Variants in USP25 observed in about 807,000 individuals in gnomAD.
The protein encoded by USP25 is ubiquitin specific peptidase 25, also known as ubiquitin carboxyl-terminal hydrolase 25.
In USP25, 85 loss-of-function variants were observed where a neutral mutation model predicts 158.5. The observed-to-expected ratio is 0.54, with a 90% CI of 0.45 to 0.64. The LOEUF (loss-of-function observed/expected upper bound fraction) is 0.64. USP25 is among the 30% of genes least tolerant of loss of function. The pLI, the probability that USP25 is intolerant of heterozygous loss-of-function variation, is 0.00. For synonymous variants in USP25, 464 were observed against 460.4 expected (o/e 1.01, Z -0.10); for missense variants, 1,242 against 1,327.3 (o/e 0.94, Z 1.00).
intron 3 of USP25, among the ~76,000 whole-genome samples, chr21:15,777,292 AG>A (rs1277078563): frequency 6.6e-6 from 1 of 152,220 alleles, no homozygotes; most frequent in African/African-American, 2.4e-5. Flanking sequence ...CAGATTGTAT[AG>A]AAGTATTTAA....
chr21:15,797,999 G>A (rs2035945514), intron 5 of USP25, among the ~76,000 whole-genome samples: 1 of 151,154 alleles, frequency 6.6e-6, no homozygotes, highest in Non-Finnish European at 1.5e-5. Context: ...TAATATATAT[G>A]GAGTTCAGTA....
intron 20 of USP25, among the ~76,000 whole-genome samples, chr21:15,858,102 T>A (rs187494497): frequency 6.6e-6 from 1 of 152,220 alleles, no homozygotes; most frequent in East Asian, 1.9e-4. Context: ...TGTAGATCGT[T>A]TGTAATACAC....
At chr21:15,751,421 C>A (rs1368282901) in intron 1 of USP25, among the ~76,000 whole-genome samples, 1 of 152,148 alleles carries the variant, frequency 6.6e-6, no homozygotes, top group Non-Finnish European at 1.5e-5. Flanking sequence ...ATTCCAGTTT[C>A]AGAGTTCTAC....
chr21:15,834,701 G>A (rs1185838017), intron 17 of USP25, among the ~76,000 whole-genome samples: 4 of 152,134 alleles, frequency 2.6e-5, no homozygotes, highest in South Asian at 2.1e-4. Flanking sequence ...AATAATTGTC[G>A]TTGATTTTGA....
At chr21:15,867,174 C>G (rs746853562) in intron 22 of USP25, among the ~76,000 whole-genome samples, 16 of 151,824 alleles carry the variant, frequency 1.1e-4, no homozygotes, top group Admixed American at 2.6e-4. Flanking sequence ...AATTCATACA[C>G]CTAGTATTTC....
intron 5 of USP25, among the ~76,000 whole-genome samples, chr21:15,792,012 C>T (rs982542506): frequency 2.6e-5 from 4 of 151,672 alleles, no homozygotes; most frequent in African/African-American, 9.7e-5. Context: ...CTAGAACTGG[C>T]TTTCTGTGGG....
chr21:15,775,862 T>C (rs1555831597), intron 3 of USP25, among the ~76,000 whole-genome samples: 1 of 151,224 alleles, frequency 6.6e-6, no homozygotes, highest in Non-Finnish European at 1.5e-5. Context: ...AGATAGTTTT[T>C]CTGTTTTTTT....
intron 14 of USP25, among the ~76,000 whole-genome samples, chr21:15,829,064 C>T (rs976351569): frequency 6.6e-6 from 1 of 152,108 alleles, no homozygotes; most frequent in Middle Eastern, 3.4e-3. Context: ...TGTAATATTC[C>T]AACACACGGG....
intron 9 of USP25, 63 bp downstream of exon 9, chr21:15,811,273 C>T (rs892922339): frequency 2.7e-5 from 38 of 1,413,924 alleles, no homozygotes; most frequent in African/African-American, 1.3e-4. Flanking sequence ...TCATTCGTCT[C>T]GATAGTTACT....
intron 1 of USP25, among the ~76,000 whole-genome samples, chr21:15,747,381 A>G (rs1361580493): frequency 6.6e-6 from 1 of 151,822 alleles, no homozygotes; most frequent in African/African-American, 2.4e-5. Flanking sequence ...AGTATGGTTC[A>G]GTACTATATA....
chr21:15,831,304 A>C, intron 15 of USP25, 97 bp from the exon 16 acceptor site: 2 of 1,148,794 alleles, frequency 1.7e-6, no homozygotes, highest in Non-Finnish European at 2.5e-6. Flanking sequence ...AAATGCTCTT[A>C]TGGTTTTCTC....
chr21:15,826,230 A>C lies in USP25; in HGVS notation c.1331A>C (p.Lys444Thr). 1 of 1,614,010 alleles carries C rather than the reference A, an allele frequency of 6.2e-7. No individual in the cohort carries two copies. The highest frequency in any genetic ancestry group is 8.5e-7 in the Non-Finnish European group (1 of 1,179,918). ...ERYLSYGSGP[K>T]RFPLVDVLQY... ...TATTTAAGCTATGGTTCCGGTCCCA[A>C]ACGATTCCCCTTGGTAGATGTTCTT... is the stretch of plus-strand genomic sequence containing the variant. The change falls in exon 13 of 26, where the codon AAA becomes ACA. Residue 444 changes from lysine (K) to threonine (T), a missense_variant. By Grantham distance (78) the Lys-to-Thr change is moderately conservative (BLOSUM62 -1). This residue lies in a region of USP25 where 627 missense variants were observed against 701.4 expected (regional missense o/e 0.89). Transcript: ENST00000400183. This position sits in a 1 kb window ranked among gnomAD's most constrained non-coding sequence, Gnocchi z 4.8.
At position 15,826,194 on chromosome 21, in the gene USP25, T is replaced by C. The variant is rs1402027756; in HGVS notation, c.1305-10T>C. ...GAAATAAAAGCATTTGTACATTTTA[T>C]GATTAACAGATATTTAAGCTATGGT... On this transcript the variant is annotated splice_polypyrimidine_tract_variant and intron_variant, in intron 12 of 25. Coordinates refer to ENST00000400183, the MANE Select transcript of USP25 (RefSeq NM_001283041.3). The surrounding 1 kb of genome is among the most constrained non-coding windows in gnomAD (Gnocchi z 4.8). 2 of 1,613,254 alleles carry C rather than the reference T, an allele frequency of 1.2e-6. No individual in the cohort carries two copies. The highest frequency in any genetic ancestry group is 2.7e-5 in the African/African-American group (2 of 74,910).
intron 1 of USP25, among the ~76,000 whole-genome samples, chr21:15,741,255 TCA>T (rs2032027573): frequency 6.6e-6 from 1 of 151,924 alleles, no homozygotes; most frequent in Non-Finnish European, 1.5e-5. Context: ...ATAAATATTC[TCA>T]CATCTGTGTA....
chr21:15,858,547 ACT>A (rs1000139754), intron 20 of USP25, among the ~76,000 whole-genome samples: 70 of 148,138 alleles, frequency 4.7e-4, no homozygotes, highest in African/African-American at 1.7e-3. Context: ...ACTTTATTGA[ACT>A]CTTTGTTTTC....
At chr21:15,827,806 C>G (rs879259272) in intron 14 of USP25, among the ~76,000 whole-genome samples, 7 of 130,128 alleles carry the variant, frequency 5.4e-5, no homozygotes, top group East Asian at 2.2e-4. Flanking sequence ...GTGTGTGTGT[C>G]AAGTTGCCAT....
chr21:15,835,882 G>C (rs2038041593), intron 17 of USP25, among the ~76,000 whole-genome samples: 1 of 152,136 alleles, frequency 6.6e-6, no homozygotes, highest in Admixed American at 6.5e-5. Flanking sequence ...TTATCTTTGA[G>C]ATTATATTAA....
At chr21:15,810,198 A>AT (rs925043325) in intron 8 of USP25, among the ~76,000 whole-genome samples, 8 of 151,912 alleles carry the variant, frequency 5.3e-5, no homozygotes, top group African/African-American at 9.7e-5. Flanking sequence ...AAGGGCCAGA[A>AT]TTTTTTTTCA....
chr21:15,816,585 T>C lies in USP25; in HGVS notation c.932-2113T>C, dbSNP rs888692813. 6.6e-6 allele frequency among the ~76,000 whole-genome samples: 1 copy of C among 152,188 alleles called. No individual in the cohort carries two copies. Among genetic ancestry groups the C allele is most frequent in the Admixed American group, 6.5e-5 (1 of 15,272 alleles). ...TTTGCATATAAAGGTAGCAGAACCT[T>C]AGGACTTTGTTTAGGCCCATTTCTT... On this transcript the variant is annotated intron_variant, in intron 9 of 25. Coordinates refer to ENST00000400183, the MANE Select transcript of USP25 (RefSeq NM_001283041.3). This position sits in a 1 kb window ranked among gnomAD's most constrained non-coding sequence, Gnocchi z 4.0.
Sources: gnomAD v4.1 joint callset for allele counts (sites outside exome capture counted in the v4.1 genomes callset) on GRCh38, gnomAD v4.1.1 for gene constraint, gnomAD v4.1.1 regional missense constraint, Gnocchi (gnomAD v3.1) non-coding constraint, MANE v1.5 for transcripts, NCBI Gene and HGNC (gene_info 2026-07-23, HGNC 2026-07-21) for gene names.